The following STARD10 variants were observed in gnomAD, a reference collection of about 807,000 sequenced individuals.
STARD10 encodes StAR related lipid transfer domain containing 10, also known as START domain-containing protein 10.
A neutral mutation model predicts 36.0 loss-of-function variants in STARD10; 24 were observed. The observed-to-expected ratio is 0.67, with a 90% CI of 0.48 to 0.94. The LOEUF (loss-of-function observed/expected upper bound fraction) is 0.94, where lower values mean the gene tolerates loss of function less well. Among genes scored for constraint, STARD10 ranks in the 40% least tolerant of loss-of-function variants. The pLI, the probability that STARD10 is intolerant of heterozygous loss-of-function variation, is 0.00. For missense variants in STARD10, 335 were observed against 396.6 expected (o/e 0.84, Z 1.32); for synonymous variants, 156 against 161.9 (o/e 0.96, Z 0.28).
intron 2 of STARD10, among the ~76,000 whole-genome samples, chr11:72,778,426 A>G (rs1165274669): frequency 6.6e-6 from 1 of 152,230 alleles, no homozygotes; most frequent in Non-Finnish European, 1.5e-5. Flanking sequence ...GATTATCTGC[A>G]TGGAACCTGG....
rs768518521 is a variant in STARD10, at chr11:72,759,216, C to T, written c.355+18G>A. ...TGGAGGCCAAGGGGACTGGGATCAG[C>T]GTGCTACGCCTGCTCACAGGAGTAA... On this transcript the variant is annotated intron_variant, in intron 3 of 6. Transcript: ENST00000334805. 8 of 1,613,076 alleles carry T rather than the reference C, an allele frequency of 5.0e-6. 1 individual carries two copies. Among genetic ancestry groups the T allele is most frequent in the African/African-American group, 2.7e-5 (2 of 74,876 alleles).
intron 2 of STARD10, among the ~76,000 whole-genome samples, chr11:72,774,743 G>A (rs1217955847): frequency 6.6e-6 from 1 of 152,212 alleles, no homozygotes. Context: ...TGCTCCTCGG[G>A]AACAAACTGG....
chr11:72,754,892 GGCGCTCAGGTGAGCGAGGTGTCGTCGTC>G lies in STARD10; in HGVS notation c.853_*4del. On this transcript the variant is annotated stop_lost and 3_prime_UTR_variant, in exon 7 of 7. Transcript: ENST00000334805. ...CCTGTCTCCGTCCCTGAAGCGGTGCGGCGCTCAGGTGAGCGAGGTGTCGTCGTCGCTGCCCTCGCCGCCCGCGCCGCCC... is the reference window on the plus strand; with the variant it reads ...CCTGTCTCCGTCCCTGAAGCGGTGCGGCTGCCCTCGCCGCCCGCGCCGCCC... The G allele has an allele frequency of 6.3e-7, 1 of 1,595,828 alleles. No homozygotes were observed. Among genetic ancestry groups the G allele is most frequent in the Non-Finnish European group, 8.5e-7 (1 of 1,177,440 alleles).
rs192332189 is a variant in STARD10 at position 72,776,485 on chromosome 11, C to G, written c.207+4490G>C. 7.9e-5 allele frequency among the ~76,000 whole-genome samples: 12 copies of G among 152,298 alleles called. No homozygotes were observed. In the East Asian group the frequency reaches 2.3e-3, roughly 29 times the overall value. On this transcript the variant is annotated intron_variant, in intron 2 of 6. Transcript: ENST00000334805. ...GCCCAGCTGGGTCTCCTCTAAGGTGCCCTCCCACAATGACACAGCACAGGG... is the reference window on the plus strand; with the variant it reads ...GCCCAGCTGGGTCTCCTCTAAGGTGGCCTCCCACAATGACACAGCACAGGG...
At chr11:72,790,517 C>G (rs1859128580) in intron 1 of STARD10, 1 of 152,316 alleles carries the variant, frequency 6.6e-6, no homozygotes, top group Admixed American at 6.5e-5. Flanking sequence ...CAGGCCCTGT[C>G]TCCCACCCAG....
At chr11:72,773,693 C>T (rs1376161528) in intron 2 of STARD10, among the ~76,000 whole-genome samples, 1 of 152,150 alleles carries the variant, frequency 6.6e-6, no homozygotes, top group Non-Finnish European at 1.5e-5. Context: ...AGGGCCACAT[C>T]ACACACACAG....
At chr11:72,786,188 C>A (rs1484772941) in intron 1 of STARD10, among the ~76,000 whole-genome samples, 2 of 152,120 alleles carry the variant, frequency 1.3e-5, no homozygotes, top group Non-Finnish European at 2.9e-5. Context: ...CCCGTCTCTA[C>A]TAAAAATTTA....
chr11:72,755,241 C>T, intron 6 of STARD10, 99 bp from the exon 7 acceptor site: 1 of 1,415,960 alleles, frequency 7.1e-7, no homozygotes, highest in Non-Finnish European at 9.4e-7. Flanking sequence ...CTGACTGGCT[C>T]CCTTTCAAAA....
At chr11:72,792,041 ATTTTTTTTTTT>A (rs869068929) in intron 1 of STARD10, among the ~76,000 whole-genome samples, 2 of 38,770 alleles carry the variant, frequency 5.2e-5, no homozygotes, top group African/African-American at 1.4e-4. Context: ...CACCTGGCTA[ATTTTTTTTTTT>A]TTTTTTTTTT....
chr11:72,781,229 G>A lies in STARD10; in HGVS notation c.-48C>T. 1 of 1,551,198 alleles carries A rather than the reference G, an allele frequency of 6.4e-7. No individual in the cohort carries two copies. The highest frequency in any genetic ancestry group is 1.1e-5 in the South Asian group (1 of 89,446). ...GCCCTGGTCCTAGTCCGGCTCTCCT[G>A]GGTCCTCCGCGGAGGCTCCGACAAC... On this transcript the variant is annotated 5_prime_UTR_variant, in exon 2 of 7. Transcript: ENST00000334805. The surrounding 1 kb of genome is among the most constrained non-coding windows in gnomAD (Gnocchi z 4.7).
intron 2 of STARD10, among the ~76,000 whole-genome samples, chr11:72,777,846 C>T (rs1049026250): frequency 2.0e-5 from 3 of 152,134 alleles, no homozygotes; most frequent in Non-Finnish European, 2.9e-5. Flanking sequence ...AGGTGGAGTC[C>T]CACCCCCACC....
chr11:72,780,939 T>C (rs757932006), intron 2 of STARD10, 36 bp downstream of exon 2: 2 of 1,603,114 alleles, frequency 1.2e-6, no homozygotes, highest in South Asian at 2.2e-5. Context: ...GCAGTAAGGG[T>C]GCAGTGGAGG....
chr11:72,772,841 C>T (rs1858880856), intron 2 of STARD10, among the ~76,000 whole-genome samples: 1 of 152,150 alleles, frequency 6.6e-6, no homozygotes, highest in Non-Finnish European at 1.5e-5. Flanking sequence ...TCCTGCTGGT[C>T]CCCTGAGGCC....
Position 72,793,720 on chromosome 11 carries a change from G to A in STARD10, c.-959C>T, listed in dbSNP as rs1276570519. 1.3e-5 allele frequency: 2 copies of A among 152,216 alleles called. No individual in the cohort carries two copies. The highest frequency in any genetic ancestry group is 4.8e-5 in the African/African-American group (2 of 41,450). The allele number at this position is 152,216 out of a possible 1,614,324, so 9.4% of individuals were successfully genotyped here. ...CTCTCGGCTTGCGCAGGCGCTCTTT[G>A]GTGTTTACAGCGGCCGCGAAGCCCC... On this transcript the variant is annotated 5_prime_UTR_variant, in exon 1 of 7. Transcript: ENST00000334805.
chr11:72,793,347 C>T lies in STARD10; in HGVS notation c.-586G>A, dbSNP rs576712352. ...TTTCACCCCTGGATCTCATTTGATC[C>T]TCCCAACAGCCTGTTTGCATTTACA... is the stretch of plus-strand genomic sequence containing the variant. On this transcript the variant is annotated 5_prime_UTR_variant, in exon 1 of 7. Transcript: ENST00000334805. 6.6e-6 allele frequency: 1 copy of T among 152,360 alleles called. No homozygotes were observed. Among genetic ancestry groups the T allele is most frequent in the South Asian group, 2.1e-4 (1 of 4,832 alleles). The allele number at this position is 152,360 out of a possible 1,614,324, so 9.4% of individuals were successfully genotyped here.
In STARD10 at chr11:72,781,025, A is replaced by C. The variant is rs1355967930; in HGVS notation, c.157T>G (p.Ser53Ala). ...ATCTCCACAGCCTGCACCCAGACAG[A>C]CACCCCAGCCCTGCTATAGGTCAGG... ...WNLTYSRAGV[S>A]VWVQAVEMDR... is the part of the protein sequence containing the mutation. Residue 53 changes from serine (S) to alanine (A), a missense_variant, in exon 2 of 7, where the codon TCT becomes GCT. Ser to Ala is a moderately conservative substitution (Grantham distance 99, BLOSUM62 1). Transcript: ENST00000334805. The surrounding 1 kb of genome is among the most constrained non-coding windows in gnomAD (Gnocchi z 4.7). 1.9e-6 allele frequency: 3 copies of C among 1,614,140 alleles called. No individual in the cohort carries two copies. The highest frequency in any genetic ancestry group is 2.5e-6 in the Non-Finnish European group (3 of 1,180,018).
In STARD10 at chr11:72,781,038, G is replaced by C. The variant is rs1231344729; in HGVS notation, c.144C>G (p.Ser48Arg). 2 of 1,614,176 alleles carry C rather than the reference G, an allele frequency of 1.2e-6. No individual in the cohort carries two copies. The highest frequency in any genetic ancestry group is 2.2e-5 in the South Asian group (2 of 91,088). Residue 48 changes from serine (S) to arginine (R), a missense_variant, in exon 2 of 7, where the codon AGC (serine) becomes AGG (arginine). Transcript: ENST00000334805. This position sits in a 1 kb window ranked among gnomAD's most constrained non-coding sequence, Gnocchi z 4.7. ...EAEVGWNLTY[S>R]RAGVSVWVQA... is the part of the protein sequence containing the mutation. Reference sequence around the variant, plus strand: ...GCACCCAGACAGACACCCCAGCCCTGCTATAGGTCAGGTTCCAGCCCACCT... The same window carrying C: ...GCACCCAGACAGACACCCCAGCCCTCCTATAGGTCAGGTTCCAGCCCACCT...
At chr11:72,782,148 C>T (rs1859011397) in intron 1 of STARD10, 1 of 152,454 alleles carries the variant, frequency 6.6e-6, no homozygotes, top group African/African-American at 2.4e-5. Context: ...ACCTCTGCAA[C>T]AACCTACAGT....
chr11:72,754,990 C>T lies in STARD10; in HGVS notation c.783G>A (p.Glu261=), dbSNP rs1177779084. The change falls in exon 7 of 7, where the codon GAG becomes GAA. Residue 261 remains glutamate (E), a synonymous_variant. Coordinates refer to ENST00000334805, the MANE Select transcript of STARD10 (RefSeq NM_006645.3). ...CGGCCACCGCGCTCTCGTCGATGTT[C>T]TCCAGTGAGTCCGCATGCTGCACCG... ...ELSVQHADSL[E]NIDESAVAES... is the part of the protein sequence containing the mutation. 2 of 1,612,636 alleles carry T rather than the reference C, an allele frequency of 1.2e-6. No homozygotes were observed. Among genetic ancestry groups the T allele is most frequent in the South Asian group, 1.1e-5 (1 of 90,840 alleles).
Sources: allele counts gnomAD v4.1 joint callset (sites outside exome capture counted in the v4.1 genomes callset), GRCh38; gene constraint gnomAD v4.1.1; non-coding constraint Gnocchi (gnomAD v3.1); transcripts MANE v1.5; gene names NCBI Gene and HGNC (gene_info 2026-07-23, HGNC 2026-07-21).